Variants in GALNT17 observed in about 807,000 individuals in gnomAD.
GALNT17 encodes polypeptide N-acetylgalactosaminyltransferase 17, also known as UDP-GalNAc:polypeptide N-acetylgalactosaminyltransferase-like 3.
A neutral mutation model predicts 63.7 loss-of-function variants in GALNT17; 29 were observed. The ratio of observed to expected loss-of-function variants is 0.46; its 90% confidence interval spans 0.34 to 0.62. The LOEUF (loss-of-function observed/expected upper bound fraction) is 0.62. Among genes scored for constraint, GALNT17 ranks in the 20% least tolerant of loss-of-function variants. GALNT17 has a pLI of 0.01. For missense variants in GALNT17, 603 were observed against 799.6 expected, an observed-to-expected ratio of 0.75 and a Z score of 2.97; for synonymous variants, 305 against 318.3, an observed-to-expected ratio of 0.96 and a Z score of 0.45.
At chr7:71,312,936 C>T (rs1014888464) in intron 1 of GALNT17, among the ~76,000 whole-genome samples, 7 of 151,952 alleles carry the variant, frequency 4.6e-5, no homozygotes, top group African/African-American at 1.2e-4. Flanking sequence ...ATAGCAAGAC[C>T]CCATCACTAA....
chr7:71,319,096 A>ATCTTTCTT (rs11272198), intron 1 of GALNT17, among the ~76,000 whole-genome samples: 28 of 131,990 alleles, frequency 2.1e-4, no homozygotes, highest in African/African-American at 6.5e-4. Context: ...ATTTTTGTTT[A>ATCTTTCTT]TCTTTCTTTC....
At chr7:71,682,294 G>A (rs1352679522) in intron 9 of GALNT17, among the ~76,000 whole-genome samples, 2 of 149,652 alleles carry the variant, frequency 1.3e-5, no homozygotes, top group African/African-American at 2.5e-5. Context: ...ATGTGAAGGC[G>A]GCAGTGTCTG....
intron 2 of GALNT17, among the ~76,000 whole-genome samples, chr7:71,367,872 G>C (rs576827215): frequency 6.6e-5 from 10 of 152,192 alleles, no homozygotes; most frequent in Non-Finnish European, 1.0e-4. Context: ...ACCTTTTACT[G>C]GTGGTCTTTA....
intron 3 of GALNT17, among the ~76,000 whole-genome samples, chr7:71,405,733 G>C (rs1248819316): frequency 6.6e-6 from 1 of 152,198 alleles, no homozygotes; most frequent in Admixed American, 6.5e-5. Flanking sequence ...CCAGCTCCCT[G>C]GGGCCTCTTT....
chr7:71,292,623 A>C (rs1790997922), intron 1 of GALNT17, among the ~76,000 whole-genome samples: 1 of 149,548 alleles, frequency 6.7e-6, no homozygotes, highest in Non-Finnish European at 1.5e-5. Context: ...CATAGGTACC[A>C]TTTGGGAGAG....
At chr7:71,372,902 G>C (rs996904326) in intron 2 of GALNT17, among the ~76,000 whole-genome samples, 1 of 152,174 alleles carries the variant, frequency 6.6e-6, no homozygotes, top group Non-Finnish European at 1.5e-5. Context: ...CCCCATGCTA[G>C]CTCCCAGAAG....
chr7:71,275,637 A>C (rs1459520384), intron 1 of GALNT17, among the ~76,000 whole-genome samples: 1 of 152,214 alleles, frequency 6.6e-6, no homozygotes, highest in Non-Finnish European at 1.5e-5. Context: ...CATGGGGGAC[A>C]CAAATAGCTA....
intron 1 of GALNT17, among the ~76,000 whole-genome samples, chr7:71,237,682 C>A (rs974926126): frequency 6.6e-6 from 1 of 152,140 alleles, no homozygotes; most frequent in Non-Finnish European, 1.5e-5. Context: ...GATACCCTTT[C>A]TCAAAAACCA....
chr7:71,163,055 A>G (rs1257296317), intron 1 of GALNT17, among the ~76,000 whole-genome samples: 2 of 152,182 alleles, frequency 1.3e-5, no homozygotes, highest in African/African-American at 4.8e-5. Flanking sequence ...AGGTAGTGAG[A>G]AGTGGTCAGA....
At chr7:71,413,192 T>C (rs978210146) in intron 3 of GALNT17, among the ~76,000 whole-genome samples, 2 of 152,184 alleles carry the variant, frequency 1.3e-5, no homozygotes, top group Non-Finnish European at 2.9e-5. Flanking sequence ...TAGTGAGAGC[T>C]CACGTCCAGA....
At chr7:71,647,163 C>G (rs1790691043) in intron 6 of GALNT17, among the ~76,000 whole-genome samples, 1 of 151,848 alleles carries the variant, frequency 6.6e-6, no homozygotes, top group East Asian at 1.9e-4. Flanking sequence ...CTCCCAGGTT[C>G]AAGTGATTCT....
intron 5 of GALNT17, among the ~76,000 whole-genome samples, chr7:71,491,758 CTGCAT>C (rs1005459689): frequency 2.6e-5 from 4 of 152,192 alleles, no homozygotes; most frequent in African/African-American, 9.7e-5. Flanking sequence ...GCCTGAGAAT[CTGCAT>C]TTCTAGCAAG....
intron 3 of GALNT17, among the ~76,000 whole-genome samples, chr7:71,407,037 T>C (rs963134354): frequency 1.3e-5 from 2 of 152,228 alleles, no homozygotes; most frequent in South Asian, 2.1e-4. Flanking sequence ...TTTTTCACTG[T>C]GATCTCTGTC....
At chr7:71,365,902 A>G (rs1409299092) in intron 2 of GALNT17, among the ~76,000 whole-genome samples, 1 of 152,118 alleles carries the variant, frequency 6.6e-6, no homozygotes, top group African/African-American at 2.4e-5. Context: ...TAATAAAATA[A>G]TTACACAACT....
Position 71,227,612 on chromosome 7 carries a change from A to C in GALNT17, c.238+94572A>C, listed in dbSNP as rs573163264. On this transcript the variant is annotated intron_variant, in intron 1 of 10. Transcript: ENST00000333538. ...CCTACCCCCCTTGCTAGATGGCTTA[A>C]TTTCGTTTGCTCTCACCATTTGATT... is the stretch of plus-strand genomic sequence containing the variant. Among the ~76,000 whole-genome samples, 28 of 152,150 alleles carry C rather than the reference A, an allele frequency of 1.8e-4. 1 individual carries two copies. The South Asian group carries it at 4.6e-3, about 25-fold the overall frequency.
Position 71,481,564 on chromosome 7 carries a change from G to C in GALNT17, c.962+60459G>C, listed in dbSNP as rs111529934. On this transcript the variant is annotated intron_variant, in intron 5 of 10. Coordinates refer to ENST00000333538, the MANE Select transcript of GALNT17 (RefSeq NM_022479.3). ...TGTGTGTTTTCCAGTAGAGTGGACTGCAAGAGGGATACCTATGGGAGATGT... is the reference window on the plus strand; with the variant it reads ...TGTGTGTTTTCCAGTAGAGTGGACTCCAAGAGGGATACCTATGGGAGATGT... Among the ~76,000 whole-genome samples, 586 of 152,316 alleles carry C rather than the reference G, an allele frequency of 3.8e-3. 4 individuals are homozygous for C. Among genetic ancestry groups the C allele is most frequent in the African/African-American group, 0.013 (538 of 41,568 alleles).
intron 9 of GALNT17, among the ~76,000 whole-genome samples, chr7:71,686,083 T>C (rs977265956): frequency 2.6e-5 from 4 of 150,956 alleles, no homozygotes; most frequent in African/African-American, 9.7e-5. Flanking sequence ...GCCTCCCGAG[T>C]AGCTGGGATT....
At chr7:71,633,082 C>T (rs537001602) in intron 6 of GALNT17, among the ~76,000 whole-genome samples, 58 of 122,636 alleles carry the variant, frequency 4.7e-4, no homozygotes, top group Non-Finnish European at 8.6e-4. Context: ...CCAGCCTGGG[C>T]GACAGAGTGA....
intron 1 of GALNT17, among the ~76,000 whole-genome samples, chr7:71,270,369 A>T (rs1379220337): frequency 6.6e-6 from 1 of 151,970 alleles, no homozygotes; most frequent in African/African-American, 2.4e-5. Flanking sequence ...TAAAAAAATA[A>T]CAAAAATTAG....
Sources: gnomAD v4.1 joint callset for allele counts (sites outside exome capture counted in the v4.1 genomes callset) on GRCh38, gnomAD v4.1.1 for gene constraint, MANE v1.5 for transcripts, NCBI Gene and HGNC (gene_info 2026-07-23, HGNC 2026-07-21) for gene names.